VWC2: variants seen among roughly 807,000 people sequenced by gnomAD.
VWC2 encodes brorin.
A neutral mutation model predicts 29.8 loss-of-function variants in VWC2; 14 were observed. That is an observed-to-expected ratio of 0.47 (90% CI 0.31 to 0.74). The LOEUF is 0.74. VWC2 is among the 30% of genes least tolerant of loss of function. The pLI, the probability that VWC2 is intolerant of heterozygous loss-of-function variation, is 0.05. For missense variants in VWC2, 457 were observed against 459.8 expected, an observed-to-expected ratio of 0.99 and a Z score of 0.05; for synonymous variants, 213 against 199.0, an observed-to-expected ratio of 1.07 and a Z score of -0.59.
intron 3 of VWC2, among the ~76,000 whole-genome samples, chr7:49,855,097 T>G (rs1405747321): frequency 1.3e-5 from 2 of 152,214 alleles, no homozygotes; most frequent in East Asian, 3.8e-4. Flanking sequence ...TTGGTACAGC[T>G]GTGAAGATAG....
At chr7:49,800,787 A>ATAAG (rs1207712167) in intron 2 of VWC2, among the ~76,000 whole-genome samples, 13 of 151,048 alleles carry the variant, frequency 8.6e-5, no homozygotes, top group African/African-American at 3.2e-4. Flanking sequence ...TTGGTAGGAG[A>ATAAG]CAAGGAAATG....
intron 2 of VWC2, among the ~76,000 whole-genome samples, chr7:49,788,912 G>A (rs191549075): frequency 1.2e-4 from 18 of 149,254 alleles, no homozygotes; most frequent in Admixed American, 7.3e-4. Context: ...GGGTGTGAGA[G>A]TGTGTGTGGC....
At chr7:49,873,188 A>G (rs566019637) in intron 3 of VWC2, among the ~76,000 whole-genome samples, 1 of 152,342 alleles carries the variant, frequency 6.6e-6, no homozygotes, top group African/African-American at 2.4e-5. Context: ...TCGGGCTGCT[A>G]TAACAAAATA....
intron 3 of VWC2, among the ~76,000 whole-genome samples, chr7:49,867,921 C>T (rs6953702): frequency 0.67 from 101,909 of 151,522 alleles, 35,142 homozygotes; most frequent in East Asian, 0.88. Context: ...GCAATCTCCG[C>T]CTCCCAAGTT....
At chr7:49,864,097 G>T (rs979206262) in intron 3 of VWC2, among the ~76,000 whole-genome samples, 1 of 152,024 alleles carries the variant, frequency 6.6e-6, no homozygotes, top group Non-Finnish European at 1.5e-5. Context: ...TGTTGTTGCG[G>T]GCTGTGATTG....
chr7:49,854,790 G>A (rs1283051552), intron 3 of VWC2, among the ~76,000 whole-genome samples: 2 of 152,170 alleles, frequency 1.3e-5, no homozygotes, highest in Admixed American at 6.6e-5. Flanking sequence ...TCCTCAACAT[G>A]AGCCACACAT....
intron 2 of VWC2, among the ~76,000 whole-genome samples, chr7:49,796,864 A>C (rs10237193): frequency 0.38 from 57,688 of 152,094 alleles, 13,025 homozygotes; most frequent in Non-Finnish European, 0.51. Context: ...CTCATATAGG[A>C]GTGTGAATCC....
intron 3 of VWC2, among the ~76,000 whole-genome samples, chr7:49,884,770 GA>G (rs1041847608): frequency 6.6e-6 from 1 of 150,434 alleles, no homozygotes; most frequent in African/African-American, 2.4e-5. Context: ...CATAAACGGG[GA>G]AAAAAATAAA....
intron 3 of VWC2, among the ~76,000 whole-genome samples, chr7:49,864,874 C>T (rs905418562): frequency 2.6e-5 from 4 of 152,154 alleles, no homozygotes; most frequent in Non-Finnish European, 4.4e-5. Flanking sequence ...TTGCCTTGTT[C>T]GTGATTCAGT....
intron 3 of VWC2, among the ~76,000 whole-genome samples, chr7:49,813,700 A>G (rs1010675968): frequency 6.6e-6 from 1 of 152,210 alleles, no homozygotes. Context: ...ACGTGCAATA[A>G]TACTTTAAAA....
chr7:49,824,815 A>C (rs1286518225), intron 3 of VWC2, among the ~76,000 whole-genome samples: 2 of 152,072 alleles, frequency 1.3e-5, no homozygotes, highest in African/African-American at 4.8e-5. Context: ...TTTAATTTCA[A>C]TTTCCAGTTG....
intron 3 of VWC2, among the ~76,000 whole-genome samples, chr7:49,842,254 T>C (rs1376652411): frequency 6.6e-6 from 1 of 152,218 alleles, no homozygotes; most frequent in Non-Finnish European, 1.5e-5. Flanking sequence ...CATGAACTAG[T>C]AAATGGCTAT....
chr7:49,786,123 C>A (rs1382630021), intron 2 of VWC2, among the ~76,000 whole-genome samples: 2 of 152,172 alleles, frequency 1.3e-5, no homozygotes, highest in South Asian at 2.1e-4. Flanking sequence ...AGTTTTTCAA[C>A]CCTTGCCCAC....
chr7:49,791,728 C>T (rs1295437545), intron 2 of VWC2, among the ~76,000 whole-genome samples: 1 of 152,220 alleles, frequency 6.6e-6, no homozygotes, highest in Non-Finnish European at 1.5e-5. Context: ...TTCCATCCTC[C>T]TCCCTCGGGT....
At chr7:49,891,553 C>T (rs1697223616) in intron 3 of VWC2, among the ~76,000 whole-genome samples, 1 of 152,090 alleles carries the variant, frequency 6.6e-6, no homozygotes, top group African/African-American at 2.4e-5. Context: ...CAAGGAAATG[C>T]AAGTTAAAGC....
intron 2 of VWC2, among the ~76,000 whole-genome samples, chr7:49,783,438 G>A (rs536706300): frequency 6.6e-6 from 1 of 152,284 alleles, no homozygotes; most frequent in African/African-American, 2.4e-5. Flanking sequence ...GAAAAGAAAA[G>A]AGTGTATCAA....
chr7:49,888,386 A>G (rs946936984), intron 3 of VWC2, among the ~76,000 whole-genome samples: 2 of 152,186 alleles, frequency 1.3e-5, no homozygotes, highest in Non-Finnish European at 2.9e-5. Flanking sequence ...CAGATTATCA[A>G]TTTAGGTATG....
intron 3 of VWC2, among the ~76,000 whole-genome samples, chr7:49,910,373 C>T (rs747888272): frequency 3.9e-5 from 6 of 152,096 alleles, no homozygotes; most frequent in Admixed American, 6.5e-5. Context: ...TGACTTCACA[C>T]GCTATAATTA....
intron 2 of VWC2, among the ~76,000 whole-genome samples, chr7:49,799,755 A>C (rs1001988812): frequency 6.6e-6 from 1 of 152,252 alleles, no homozygotes; most frequent in African/African-American, 2.4e-5. Flanking sequence ...AACTTACACA[A>C]ATCTAGATGG....
Sources: gnomAD v4.1 joint callset for allele counts (sites outside exome capture counted in the v4.1 genomes callset) on GRCh38, gnomAD v4.1.1 for gene constraint, MANE v1.5 for transcripts, NCBI Gene and HGNC (gene_info 2026-07-23, HGNC 2026-07-21) for gene names.